SYNGR1: variants seen among roughly 807,000 people sequenced by gnomAD.
The protein encoded by SYNGR1 is synaptogyrin-1.
In SYNGR1, 14 loss-of-function variants were observed where a neutral mutation model predicts 26.1. The observed-to-expected ratio is 0.54, with a 90% CI of 0.35 to 0.84. The LOEUF is 0.84. Among genes scored for constraint, SYNGR1 ranks in the 40% least tolerant of loss-of-function variants. The pLI is 0.01. For missense variants in SYNGR1, 319 were observed against 332.9 expected (o/e 0.96, Z 0.33); for synonymous variants, 141 against 150.1 (o/e 0.94, Z 0.44).
Position 39,383,941 on chromosome 22 carries a change from G to A in SYNGR1, c.*2027G>A, listed in dbSNP as rs1419960078. ...TGGAGAGGACCCCAGCCAGCTGTGT[G>A]ACAGCTGGTTGTTGCTGACTTCATT... On this transcript the variant is annotated 3_prime_UTR_variant, in exon 4 of 4. Transcript: ENST00000328933. 2.0e-5 allele frequency: 3 copies of A among 152,298 alleles called. No individual in the cohort carries two copies. The highest frequency in any genetic ancestry group is 4.4e-5 in the Non-Finnish European group (3 of 68,078). The allele number at this position is 152,298 out of a possible 1,614,324, so 9.4% of individuals were successfully genotyped here.
At position 39,381,831 on chromosome 22, in the gene SYNGR1, C is replaced by T; in HGVS notation, c.619C>T (p.Pro207Ser). The T allele has an allele frequency of 6.2e-7, 1 of 1,612,912 alleles. No individual in the cohort carries two copies. The highest frequency in any genetic ancestry group is 8.5e-7 in the Non-Finnish European group (1 of 1,179,898). ...CTACGTGGAGCCCACTGGGCCGGATCCCGCCGGTATGGGCGGCACCTACCA... is the reference window on the plus strand; with the variant it reads ...CTACGTGGAGCCCACTGGGCCGGATTCCGCCGGTATGGGCGGCACCTACCA... ...APYVEPTGPD[P>S]AGMGGTYQQP... The change falls in exon 4 of 4, where the codon CCC (proline) becomes TCC (serine). Residue 207 changes from proline (P) to serine (S), a missense_variant. Transcript: ENST00000328933.
chr22:39,374,329 T>G lies in SYNGR1; in HGVS notation c.113T>G (p.Val38Gly). The G allele has an allele frequency of 6.2e-7, 1 of 1,613,774 alleles. No homozygotes were observed. Residue 38 changes from valine to glycine, a missense_variant, in exon 2 of 4, where the codon GTG becomes GGG. Transcript: ENST00000328933. ...LRVVSWLFSI[V>G]VFGSIVNEGY... Reference sequence around the variant, plus strand: ...CACCCCCGACAGCTGTTCTCCATAGTGGTGTTCGGCTCCATCGTGAACGAG... The same window carrying G: ...CACCCCCGACAGCTGTTCTCCATAGGGGTGTTCGGCTCCATCGTGAACGAG...
Position 39,384,720 on chromosome 22 carries a change from G to A in SYNGR1, c.*2806G>A, listed in dbSNP as rs1400790891. The A allele has an allele frequency of 1.0e-5, 4 of 399,038 alleles. No homozygotes were observed. Among genetic ancestry groups the A allele is most frequent in the Non-Finnish European group, 1.3e-5 (3 of 226,096 alleles). The allele number at this position is 399,038 out of a possible 1,614,324, so 24.7% of individuals were successfully genotyped here. A position where few individuals can be genotyped will look rare whatever the true frequency, so the allele number is the denominator to read the frequency against. On this transcript the variant is annotated 3_prime_UTR_variant, in exon 4 of 4. Transcript: ENST00000328933. The stretch of plus-strand genomic sequence containing the variant: ...GCTTTCCTTGGAGAAGGGCCCTCCT[G>A]CAGCTGGACCCTGCAGGGTGGCTCC...
chr22:39,378,816 G>A (rs1013367522), intron 3 of SYNGR1, among the ~76,000 whole-genome samples: 3 of 152,200 alleles, frequency 2.0e-5, no homozygotes, highest in Admixed American at 1.3e-4. Context: ...CCAGGCCAGC[G>A]GGGGCCCAGG....
chr22:39,362,891 C>A (rs933290809), intron 1 of SYNGR1, among the ~76,000 whole-genome samples: 1 of 152,126 alleles, frequency 6.6e-6, no homozygotes. Context: ...CTTTCCTGAC[C>A]CTCTCCCTGG....
rs993258782 is a variant in SYNGR1, at chr22:39,384,807, G to C, written c.*2893G>C. ...AAAGGTTTCACATAAGTGTAGAGTC[G>C]CAAGGACGCTTAGAGTCGGCAGAGT... On this transcript the variant is annotated 3_prime_UTR_variant, in exon 4 of 4. Transcript: ENST00000328933. 7.5e-6 allele frequency: 3 copies of C among 398,868 alleles called. No homozygotes were observed. The highest frequency in any genetic ancestry group is 1.3e-5 in the Non-Finnish European group (3 of 226,094). 24.7% of individuals were successfully genotyped at this position (398,868 alleles called of 1,614,324 possible).
intron 1 of SYNGR1, among the ~76,000 whole-genome samples, chr22:39,365,988 CTTTTTTT>C (rs777416803): frequency 2.1e-3 from 145 of 68,374 alleles, no homozygotes; most frequent in Middle Eastern, 0.016. Flanking sequence ...TCAGCCCCTT[CTTTTTTT>C]TTTTTTTTTT....
intron 3 of SYNGR1, chr22:39,377,511 T>G: frequency 1.3e-6 from 2 of 1,558,796 alleles, no homozygotes; most frequent in Non-Finnish European, 1.7e-6. Context: ...GACCAACAGG[T>G]GCCTGCCCGG....
At chr22:39,357,632 C>G (rs1924210631) in intron 1 of SYNGR1, among the ~76,000 whole-genome samples, 1 of 80,504 alleles carries the variant, frequency 1.2e-5, no homozygotes, top group Non-Finnish European at 2.4e-5. Flanking sequence ...GCCCTCGGAG[C>G]AGCCGGCCAG....
intron 1 of SYNGR1, among the ~76,000 whole-genome samples, chr22:39,363,851 G>A (rs929328247): frequency 7.2e-5 from 11 of 152,160 alleles, no homozygotes; most frequent in African/African-American, 1.9e-4. Context: ...TGCGCAGGGC[G>A]AGGTAGACGG....
At position 39,350,239 on chromosome 22, in the gene SYNGR1, G is replaced by C. The variant is rs985994119; in HGVS notation, c.99+130G>C. The C allele has an allele frequency of 5.9e-6, 3 of 511,144 alleles. No individual in the cohort carries two copies. In the East Asian group the frequency reaches 1.8e-4, roughly 31 times the overall value. The allele number at this position is 511,144 out of a possible 1,614,324, so 31.7% of individuals were successfully genotyped here. A position where few individuals can be genotyped will look rare whatever the true frequency, so the allele number is the denominator to read the frequency against. The stretch of plus-strand genomic sequence containing the variant: ...GCGGCGGCGCGGCGGCGGGCGAGGA[G>C]CTGTCCTGCCTGCGGGGCCCGCTGC... On this transcript the variant is annotated intron_variant, in intron 1 of 3. Transcript: ENST00000328933. The surrounding 1 kb of genome is among the most constrained non-coding windows in gnomAD (Gnocchi z 4.3).
chr22:39,360,119 C>T (rs1270281186), intron 1 of SYNGR1, among the ~76,000 whole-genome samples: 1 of 152,206 alleles, frequency 6.6e-6, no homozygotes, highest in Non-Finnish European at 1.5e-5. Context: ...CACCTGCCCC[C>T]CTCATCCTAG....
At position 39,385,174 on chromosome 22, in the gene SYNGR1, C is replaced by T; in HGVS notation, c.*3260C>T. On this transcript the variant is annotated 3_prime_UTR_variant, in exon 4 of 4. Transcript: ENST00000328933. ...TAAGGAGCACGAAAGGGGGAATGCC[C>T]CTCCCAGGAGTTTATGGGAGAAGGG... 5.0e-6 allele frequency: 2 copies of T among 396,146 alleles called. No individual in the cohort carries two copies. The highest frequency in any genetic ancestry group is 8.9e-6 in the Non-Finnish European group (2 of 224,710). The allele number at this position is 396,146 out of a possible 1,614,324, so 24.5% of individuals were successfully genotyped here.
At chr22:39,374,256 C>G in intron 1 of SYNGR1, 60 bp from the exon 2 acceptor site, 1 of 1,545,720 alleles carries the variant, frequency 6.5e-7, no homozygotes, top group Non-Finnish European at 8.9e-7. Flanking sequence ...CCTCCCCGTC[C>G]CCTGGGTGGT....
At chr22:39,373,356 C>T (rs550592646) in intron 1 of SYNGR1, among the ~76,000 whole-genome samples, 9 of 152,190 alleles carry the variant, frequency 5.9e-5, no homozygotes, top group Non-Finnish European at 8.8e-5. Flanking sequence ...TTAGTAAAGA[C>T]GGGGTTTCAC....
At chr22:39,374,877 G>T in intron 2 of SYNGR1, 2 of 427,108 alleles carry the variant, frequency 4.7e-6, no homozygotes, top group Non-Finnish European at 4.4e-6. Context: ...CCTCTTCTGT[G>T]CCACCTCCCT....
intron 1 of SYNGR1, among the ~76,000 whole-genome samples, chr22:39,360,922 A>G (rs1924441960): frequency 6.6e-6 from 1 of 152,220 alleles, no homozygotes; most frequent in Admixed American, 6.5e-5. Flanking sequence ...TGCATCTGTC[A>G]TAGCCCCAGG....
At position 39,382,038 on chromosome 22, in the gene SYNGR1, C is replaced by A; in HGVS notation, c.*124C>A. The A allele has an allele frequency of 1.8e-6, 2 of 1,111,744 alleles. No individual in the cohort carries two copies. Among genetic ancestry groups the A allele is most frequent in the Non-Finnish European group, 2.6e-6 (2 of 765,622 alleles). The allele number at this position is 1,111,744 out of a possible 1,614,324, so 68.9% of individuals were successfully genotyped here. ...GCCTCTGCCTTGTCCCACTGAGGTC[C>A]AGGGTAGCTCGGGGCAGGGGTGGGG... On this transcript the variant is annotated 3_prime_UTR_variant, in exon 4 of 4. Coordinates refer to ENST00000328933, the MANE Select transcript of SYNGR1 (RefSeq NM_004711.5).
At chr22:39,376,781 T>G (rs1925305076) in intron 3 of SYNGR1, among the ~76,000 whole-genome samples, 1 of 152,182 alleles carries the variant, frequency 6.6e-6, no homozygotes, top group South Asian at 2.1e-4. Context: ...AGAGGGTACC[T>G]CTGCTCGGCT....
Sources: gnomAD v4.1 joint callset for allele counts (sites outside exome capture counted in the v4.1 genomes callset) on GRCh38, gnomAD v4.1.1 for gene constraint, Gnocchi (gnomAD v3.1) non-coding constraint, MANE v1.5 for transcripts, NCBI Gene and HGNC (gene_info 2026-07-23, HGNC 2026-07-21) for gene names.